Variants in GLI2 observed in about 807,000 individuals in gnomAD.
GLI2 encodes the protein transcription activator GLI2.
A neutral mutation model predicts 78.9 loss-of-function variants in GLI2; 22 were observed. The observed-to-expected ratio is 0.28, with a 90% CI of 0.20 to 0.40. GLI2 has a LOEUF of 0.40. GLI2 is among the 10% of genes least tolerant of loss of function. GLI2 has a pLI of 1.00. For missense variants in GLI2, 2,097 were observed against 2,213.2 expected (o/e 0.95, Z 1.05); for synonymous variants, 974 against 963.7 (o/e 1.01, Z -0.20).
chr2:120,980,094 T>A (rs2105056199), intron 10 of GLI2, among the ~76,000 whole-genome samples: 1 of 152,366 alleles, frequency 6.6e-6, no homozygotes. Flanking sequence ...TGAATAATGC[T>A]GCTATGAACA....
intron 2 of GLI2, among the ~76,000 whole-genome samples, chr2:120,923,452 C>T (rs887185869): frequency 5.3e-5 from 8 of 152,042 alleles, no homozygotes; most frequent in Non-Finnish European, 8.8e-5. Flanking sequence ...CAGCAACATG[C>T]ACATACAACA....
intron 2 of GLI2, among the ~76,000 whole-genome samples, chr2:120,897,141 C>T (rs1484246768): frequency 6.6e-6 from 1 of 152,228 alleles, no homozygotes; most frequent in African/African-American, 2.4e-5. Context: ...GCTCCAGCCG[C>T]CACGCCCTCT....
intron 10 of GLI2, among the ~76,000 whole-genome samples, chr2:120,981,293 G>T (rs1682708481): frequency 6.6e-6 from 1 of 152,194 alleles, no homozygotes; most frequent in African/African-American, 2.4e-5. Flanking sequence ...CCATTTGAAT[G>T]GTCTTGGTAT....
At chr2:120,964,812 C>T (rs537187352) in intron 5 of GLI2, among the ~76,000 whole-genome samples, 5 of 152,364 alleles carry the variant, frequency 3.3e-5, no homozygotes, top group Middle Eastern at 3.4e-3. Flanking sequence ...ACGGGACGTC[C>T]GCCTGGCCCT....
At chr2:120,875,930 C>T (rs1688714004) in intron 2 of GLI2, among the ~76,000 whole-genome samples, 1 of 152,138 alleles carries the variant, frequency 6.6e-6, no homozygotes, top group Admixed American at 6.5e-5. Context: ...GGATTTCGTT[C>T]TCTTTTAACA....
chr2:120,863,575 A>C (rs754528252), intron 2 of GLI2, among the ~76,000 whole-genome samples: 12 of 152,230 alleles, frequency 7.9e-5, no homozygotes, highest in African/African-American at 2.4e-4. Flanking sequence ...TAGAGGTTTT[A>C]ACTGCATCTA....
chr2:120,840,603 G>T (rs971838357), intron 2 of GLI2, among the ~76,000 whole-genome samples: 1 of 152,098 alleles, frequency 6.6e-6, no homozygotes. Context: ...GACCACATGG[G>T]GACTATAAAT....
chr2:120,980,134 C>T (rs544707350), intron 10 of GLI2, among the ~76,000 whole-genome samples: 1 of 152,234 alleles, frequency 6.6e-6, no homozygotes, highest in South Asian at 2.1e-4. Context: ...ATGGACAGAA[C>T]GTTTTCACTT....
chr2:120,923,685 C>T (rs1254713543), intron 2 of GLI2, among the ~76,000 whole-genome samples: 1 of 152,090 alleles, frequency 6.6e-6, no homozygotes, highest in Non-Finnish European at 1.5e-5. Context: ...TAGCGATACA[C>T]ATACATATAA....
intron 2 of GLI2, among the ~76,000 whole-genome samples, chr2:120,839,896 C>G (rs1218336521): frequency 6.6e-6 from 1 of 152,204 alleles, no homozygotes; most frequent in Non-Finnish European, 1.5e-5. Context: ...TTGCAAAGGT[C>G]TAATTCAGGA....
At chr2:120,929,293 G>A (rs1489512967) in intron 3 of GLI2, among the ~76,000 whole-genome samples, 4 of 152,168 alleles carry the variant, frequency 2.6e-5, no homozygotes, top group Non-Finnish European at 5.9e-5. Flanking sequence ...TGGCTTCTCC[G>A]CTTTAAAGTT....
chr2:120,908,316 G>C (rs1678646749), intron 2 of GLI2, among the ~76,000 whole-genome samples: 1 of 152,170 alleles, frequency 6.6e-6, no homozygotes, highest in Non-Finnish European at 1.5e-5. Flanking sequence ...TGGGTTTCAG[G>C]GTGACTCATT....
In GLI2 at chr2:120,992,618, T is replaced by C. The variant is rs1163304924; in HGVS notation, c.*1943T>C. ...TTCTTAACAGTGTCAAAATTGACTA[T>C]CCCGCCTTTGCCAAGAAATGTTTAA... On this transcript the variant is annotated 3_prime_UTR_variant, in exon 14 of 14. Transcript: ENST00000361492. 6.6e-6 allele frequency: 1 copy of C among 152,212 alleles called. No individual in the cohort carries two copies. Among genetic ancestry groups the C allele is most frequent in the African/African-American group, 2.4e-5 (1 of 41,450 alleles). 9.4% of individuals were successfully genotyped at this position (152,212 alleles called of 1,614,324 possible).
intron 13 of GLI2, 51 bp downstream of exon 13, chr2:120,986,665 G>A: frequency 1.4e-6 from 2 of 1,454,272 alleles, no homozygotes; most frequent in Non-Finnish European, 9.6e-7. Context: ...GTCTGGGGCA[G>A]CACCAACTAG....
At chr2:120,769,683 G>GTT (rs1683469466) in intron 1 of GLI2, among the ~76,000 whole-genome samples, 1 of 151,616 alleles carries the variant, frequency 6.6e-6, no homozygotes, top group African/African-American at 2.4e-5. Flanking sequence ...GCGTGTGTGT[G>GTT]TTTGGGCACA....
At chr2:120,921,552 T>A (rs753209776) in intron 2 of GLI2, among the ~76,000 whole-genome samples, 2 of 152,124 alleles carry the variant, frequency 1.3e-5, no homozygotes, top group Non-Finnish European at 2.9e-5. Flanking sequence ...AGGGACCTCA[T>A]AGCTCCTCTA....
Position 120,975,086 on chromosome 2 carries a change from G to T in GLI2, c.1294G>T (p.Asp432Tyr), listed in dbSNP as rs13427953. Reference sequence around the variant, plus strand: ...CTGGGAAGACTGCACCAAGGAGTACGACACCCAGGAGCAGCTGGTGCATGT... The same window carrying T: ...CTGGGAAGACTGCACCAAGGAGTACTACACCCAGGAGCAGCTGGTGCATGT... Reference protein sequence around the residue: ...CHWEDCTKEYDTQEQLVHHIN... With the variant: ...CHWEDCTKEYYTQEQLVHHIN... Residue 432 changes from aspartate (D) to tyrosine (Y), a missense_variant, in exon 9 of 14, where the codon GAC becomes TAC. Physicochemically the swap from Asp to Tyr is radical, Grantham distance 160. Transcript: ENST00000361492. The T allele has an allele frequency of 6.2e-7, 1 of 1,613,958 alleles. No homozygotes were observed. The highest frequency in any genetic ancestry group is 2.2e-5 in the East Asian group (1 of 44,880).
intron 1 of GLI2, among the ~76,000 whole-genome samples, chr2:120,740,611 C>G (rs1294445084): frequency 2.0e-5 from 3 of 152,130 alleles, no homozygotes; most frequent in African/African-American, 7.2e-5. Context: ...TTCTGCAGCC[C>G]CGAGCTCGTC....
rs1467722206 is a variant in GLI2, at chr2:120,986,557, T to A, written c.2185T>A (p.Trp729Arg). ...KLKSLKDSCS[W>R]AGPTPHTRNT... ...CAAGTCACTCAAGGATTCCTGCTCA[T>A]GGGCCGGGCCGACTCCACACACGCG... Residue 729 changes from tryptophan (W) to arginine (R), a missense_variant, in exon 13 of 14, where the codon TGG (tryptophan) becomes AGG (arginine). By Grantham distance (101) the Trp-to-Arg change is moderately radical. This residue lies in a region of GLI2 where 1,290 missense variants were observed against 1,261.7 expected (regional missense o/e 1.02). Coordinates refer to ENST00000361492, the MANE Select transcript of GLI2 (RefSeq NM_001374353.1). The A allele has an allele frequency of 3.1e-6, 5 of 1,614,012 alleles. No homozygotes were observed. The Admixed American group carries it at 8.3e-5, about 27-fold the overall frequency.
Sources: allele counts gnomAD v4.1 joint callset (sites outside exome capture counted in the v4.1 genomes callset), GRCh38; gene constraint gnomAD v4.1.1; regional missense constraint gnomAD v4.1.1; transcripts MANE v1.5; gene names NCBI Gene and HGNC (gene_info 2026-07-23, HGNC 2026-07-21).